The following CHST6 variants were observed in gnomAD, a reference collection of about 807,000 sequenced individuals.
The protein encoded by CHST6 is carbohydrate sulfotransferase 6, also known as N-acetylglucosamine 6-O-sulfotransferase 5.
For missense variants in CHST6, 698 were observed against 586.2 expected (o/e 1.19, Z -1.97); for synonymous variants, 309 against 276.4 (o/e 1.12, Z -1.17).
intron 1 of CHST6, among the ~76,000 whole-genome samples, chr16:75,492,471 C>T (rs1482983239): frequency 6.6e-6 from 1 of 152,234 alleles, no homozygotes; most frequent in African/African-American, 2.4e-5. Context: ...GGTTTATTAA[C>T]CATTTATTTT....
chr16:75,495,431 G>A lies in CHST6; in HGVS notation c.-583C>T, dbSNP rs968221565. 2 of 152,270 alleles carry A rather than the reference G, an allele frequency of 1.3e-5. No individual in the cohort carries two copies. Among genetic ancestry groups the A allele is most frequent in the African/African-American group, 4.8e-5 (2 of 41,470 alleles). 9.4% of individuals were successfully genotyped at this position (152,270 alleles called of 1,614,324 possible). Reference sequence around the variant, plus strand: ...ATGAGGCGCTTTCAGACGTGGCTGCGGTCCCGAGGTGGCCAGCGGGAGCTA... The same window carrying A: ...ATGAGGCGCTTTCAGACGTGGCTGCAGTCCCGAGGTGGCCAGCGGGAGCTA... On this transcript the variant is annotated 5_prime_UTR_variant, in exon 1 of 3. Coordinates refer to ENST00000332272, the MANE Select transcript of CHST6 (RefSeq NM_021615.5).
chr16:75,488,844 G>A (rs149174565), intron 1 of CHST6, among the ~76,000 whole-genome samples: 1,934 of 151,918 alleles, frequency 0.013, 25 homozygotes, highest in Non-Finnish European at 0.018. Context: ...CCTAGATCAC[G>A]CCATTGCACT....
Position 75,479,287 on chromosome 16 carries a change from A to G in CHST6, c.542T>C (p.Leu181Pro). 1 of 1,613,160 alleles carries G rather than the reference A, an allele frequency of 6.2e-7. No individual in the cohort carries two copies. Residue 181 changes from leucine to proline, a missense_variant, in exon 3 of 3, where the codon CTG becomes CCG. Physicochemically the swap from Leu to Pro is moderately conservative, Grantham distance 98. Transcript: ENST00000332272. ...GCTGAGCAGCGGGTAGAGCACCTGC[A>G]GGTTGAAGAAGCGCACCTCCTTGAG... ...VVLKEVRFFN[L>P]QVLYPLLSDP...
At chr16:75,483,463 G>A (rs537651599) in intron 1 of CHST6, among the ~76,000 whole-genome samples, 2 of 152,186 alleles carry the variant, frequency 1.3e-5, no homozygotes, top group African/African-American at 2.4e-5. Context: ...ATCATCCTAC[G>A]CCACAGAGTC....
chr16:75,479,892 T>G, intron 2 of CHST6, 48 bp from the exon 3 acceptor site: 1 of 1,487,858 alleles, frequency 6.7e-7, no homozygotes, highest in Non-Finnish European at 9.0e-7. Context: ...TGCACGCCCA[T>G]CCCGTACCCC....
chr16:75,490,442 C>A (rs2080242809), intron 1 of CHST6, among the ~76,000 whole-genome samples: 1 of 152,074 alleles, frequency 6.6e-6, no homozygotes, highest in African/African-American at 2.4e-5. Flanking sequence ...CGCACCATTG[C>A]ACTCCAGCCT....
At chr16:75,489,489 G>C (rs1037131278) in intron 1 of CHST6, among the ~76,000 whole-genome samples, 1 of 151,594 alleles carries the variant, frequency 6.6e-6, no homozygotes, top group Non-Finnish European at 1.5e-5. Context: ...AAGTCTAGCA[G>C]TGTAACCTTG....
rs760287510 is a variant in CHST6 at position 75,479,085 on chromosome 16, G to C, written c.744C>G (p.Ser248Arg). ...TGGCGGCCTCGGCGATGCGTACGTG[G>C]CTACGGCACACCTCGCGCACCACGC... is the stretch of plus-strand genomic sequence containing the variant. ...GLRVVREVCR[S>R]HVRIAEAATL... The change falls in exon 3 of 3, where the codon AGC (serine) becomes AGG (arginine). Residue 248 changes from serine (S) to arginine (R), a missense_variant. Ser to Arg is a moderately radical substitution (Grantham distance 110). Transcript: ENST00000332272. 12 of 1,605,536 alleles carry C rather than the reference G, an allele frequency of 7.5e-6. No homozygotes were observed. The highest frequency in any genetic ancestry group is 1.0e-5 in the Non-Finnish European group (12 of 1,179,110).
At position 75,474,787 on chromosome 16, in the gene CHST6, A is replaced by G; in HGVS notation, c.*3854T>C. The G allele has an allele frequency of 2.5e-6, 1 of 397,188 alleles. No individual in the cohort carries two copies. Among genetic ancestry groups the G allele is most frequent in the African/African-American group, 2.1e-5 (1 of 48,320 alleles). The allele number at this position is 397,188 out of a possible 1,614,324, so 24.6% of individuals were successfully genotyped here. ...GCACCACTCTCAGGATAACCAACTC[A>G]CTCCTGAAATAATGGTGGTTTTTTT... is the stretch of plus-strand genomic sequence containing the variant. On this transcript the variant is annotated 3_prime_UTR_variant, in exon 3 of 3. Transcript: ENST00000332272.
chr16:75,493,191 T>C (rs1312387531), intron 1 of CHST6, among the ~76,000 whole-genome samples: 1 of 151,922 alleles, frequency 6.6e-6, no homozygotes, highest in Admixed American at 6.6e-5. Flanking sequence ...TGCAAGTTAC[T>C]TCCTTCTGTG....
At position 75,478,807 on chromosome 16, in the gene CHST6, T is replaced by C. The variant is rs775134725; in HGVS notation, c.1022A>G (p.Lys341Arg). The C allele has an allele frequency of 1.1e-5, 17 of 1,613,368 alleles. No homozygotes were observed. In the African/African-American group the frequency reaches 1.9e-4, roughly 18 times the overall value. The change falls in exon 3 of 3, where the codon AAG becomes AGG. Residue 341 changes from lysine (K) to arginine (R), a missense_variant. By Grantham distance (26) the Lys-to-Arg change is conservative. Coordinates refer to ENST00000332272, the MANE Select transcript of CHST6 (RefSeq NM_021615.5). Reference protein sequence around the residue: ...QAWRHALPFAKIRRVQELCAG... With the variant: ...QAWRHALPFARIRRVQELCAG... The stretch of plus-strand genomic sequence containing the variant: ...GCACAGTTCCTGCACGCGGCGGATC[T>C]TGGCAAAGGGCAGCGCATGGCGCCA...
Position 75,479,721 on chromosome 16 carries a change from G to T in CHST6, c.108C>A (p.Gly36=). ...CCAGCACATGCACGCGCGCCTCGCC[G>T]CCTGCTGGGGACGAGGGCCCTGGCC... ...VSRPGPSSPA[G]GEARVHVLVL... The change falls in exon 3 of 3, where the codon GGC becomes GGA. Residue 36 remains glycine (G), a synonymous_variant. Transcript: ENST00000332272. 2 of 1,607,720 alleles carry T rather than the reference G, an allele frequency of 1.2e-6. No homozygotes were observed. Among genetic ancestry groups the T allele is most frequent in the Non-Finnish European group, 1.7e-6 (2 of 1,177,162 alleles).
At chr16:75,483,234 G>T (rs569157507) in intron 1 of CHST6, among the ~76,000 whole-genome samples, 2 of 152,304 alleles carry the variant, frequency 1.3e-5, no homozygotes, top group East Asian at 3.9e-4. Flanking sequence ...TCCCACCTGT[G>T]ATTGCTCCCT....
rs2080060245 is a variant in CHST6, at chr16:75,475,810, A to C, written c.*2831T>G. ...GCCATTAATTGCAGCCATCAATAAAATTTGTGACCTAAACAGGGGCAAATG... is the reference window on the plus strand; with the variant it reads ...GCCATTAATTGCAGCCATCAATAAACTTTGTGACCTAAACAGGGGCAAATG... On this transcript the variant is annotated 3_prime_UTR_variant, in exon 3 of 3. Coordinates refer to ENST00000332272, the MANE Select transcript of CHST6 (RefSeq NM_021615.5). 6.6e-6 allele frequency: 1 copy of C among 152,230 alleles called. No homozygotes were observed. Among genetic ancestry groups the C allele is most frequent in the Non-Finnish European group, 1.5e-5 (1 of 68,050 alleles). The allele number at this position is 152,230 out of a possible 1,614,324, so 9.4% of individuals were successfully genotyped here.
At chr16:75,486,074 A>T (rs531103813) in intron 1 of CHST6, among the ~76,000 whole-genome samples, 14 of 152,178 alleles carry the variant, frequency 9.2e-5, no homozygotes, top group Non-Finnish European at 1.9e-4. Context: ...GTGTTCATCA[A>T]ACAAGCTCCA....
chr16:75,484,656 C>G (rs1473756182), intron 1 of CHST6, among the ~76,000 whole-genome samples: 2 of 152,212 alleles, frequency 1.3e-5, no homozygotes. Context: ...TCGAGACCAG[C>G]CTGACCAACA....
At position 75,478,641 on chromosome 16, in the gene CHST6, C is replaced by G. The variant is rs1233960562; in HGVS notation, c.1188G>C (p.Ter396TyrextTer6). 6.2e-7 allele frequency: 1 copy of G among 1,613,442 alleles called. No homozygotes were observed. Among genetic ancestry groups the G allele is most frequent in the Non-Finnish European group, 8.5e-7 (1 of 1,179,850 alleles). ...ASSTASHPRN* is the reference protein window; with the variant it reads ...ASSTASHPRNY The stretch of plus-strand genomic sequence containing the variant: ...GCGCCTGCTACAACTGTGGCCTCCA[C>G]TAATTTCGGGGGTGCGAGGCGGTGG... Residue 396 changes from the stop codon to tyrosine (Y), a stop_lost, in exon 3 of 3, where the codon TAG becomes TAC. Transcript: ENST00000332272.
At chr16:75,481,212 G>A (rs1007500797) in intron 2 of CHST6, among the ~76,000 whole-genome samples, 4 of 152,062 alleles carry the variant, frequency 2.6e-5, no homozygotes, top group Admixed American at 1.3e-4. Context: ...GGAGTTTGAG[G>A]TTGCAGTGAG....
chr16:75,486,267 C>T (rs889693099), intron 1 of CHST6, among the ~76,000 whole-genome samples: 7 of 152,350 alleles, frequency 4.6e-5, no homozygotes, highest in Non-Finnish European at 8.8e-5. Flanking sequence ...TGTGGTTTTT[C>T]GCAAGCGAAC....
Sources: gnomAD v4.1 joint callset for allele counts (sites outside exome capture counted in the v4.1 genomes callset) on GRCh38, gnomAD v4.1.1 for gene constraint, MANE v1.5 for transcripts, NCBI Gene and HGNC (gene_info 2026-07-23, HGNC 2026-07-21) for gene names.